Variants in UNC13C observed in about 807,000 individuals in gnomAD.
UNC13C encodes the protein unc-13 homolog C.
A neutral mutation model predicts 245.4 loss-of-function variants in UNC13C; 174 were observed. That is an observed-to-expected ratio of 0.71 (90% CI 0.63 to 0.80). The LOEUF is 0.80. UNC13C is among the 30% of genes least tolerant of loss of function. The probability of loss-of-function intolerance (pLI) is 0.00; values close to 1 mark genes in which losing one functional copy is unlikely to be tolerated. For synonymous variants in UNC13C, 992 were observed against 895.1 expected, an observed-to-expected ratio of 1.11 and a Z score of -1.93; for missense variants, 2,829 against 2,602.9, an observed-to-expected ratio of 1.09 and a Z score of -1.89.
At chr15:53,969,464 C>T in the UNC13C span, among the ~76,000 whole-genome samples, 9 of 151,984 alleles carry the variant, frequency 5.9e-5, no homozygotes, top group African/African-American at 2.2e-4. Flanking sequence ...AGGAGGATTT[C>T]TTAAGGGCAG....
At chr15:54,626,300 A>G (rs1357836435) in intron 32 of UNC13C, among the ~76,000 whole-genome samples, 1 of 99,392 alleles carries the variant, frequency 1.0e-5, no homozygotes, top group Non-Finnish European at 2.6e-5. Flanking sequence ...GAATTGATTT[A>G]CTCTGGATGG....
At chr15:54,100,900 G>A (rs1303956060) in intron 2 of UNC13C, among the ~76,000 whole-genome samples, 2 of 151,796 alleles carry the variant, frequency 1.3e-5, no homozygotes, top group African/African-American at 4.8e-5. Context: ...ACAAGCAGAA[G>A]GAATGAATTA....
rs761081766 is a variant in UNC13C at position 54,500,789 on chromosome 15, G to A, written c.5158-46G>A. The A allele has an allele frequency of 3.2e-6, 5 of 1,543,382 alleles. No individual in the cohort carries two copies. The South Asian group carries it at 3.7e-5, about 11-fold the overall frequency. On this transcript the variant is annotated intron_variant, in intron 21 of 32. Coordinates refer to ENST00000260323, the MANE Select transcript of UNC13C (RefSeq NM_001080534.3). ...GAAACAGTGAAGATTTTTCCATTCC[G>A]CCTCTAATGTACTGTTTGGGATGGT...
the UNC13C span, among the ~76,000 whole-genome samples, chr15:53,850,311 A>G: frequency 1.3e-5 from 2 of 152,136 alleles, no homozygotes; most frequent in African/African-American, 4.8e-5. Context: ...GTTACTTGGG[A>G]GACTGAGGCA....
At chr15:54,464,458 A>G (rs766128388) in intron 19 of UNC13C, among the ~76,000 whole-genome samples, 3 of 152,122 alleles carry the variant, frequency 2.0e-5, no homozygotes, top group Non-Finnish European at 4.4e-5. Context: ...AATAAACATT[A>G]TAATTATTTA....
intron 16 of UNC13C, among the ~76,000 whole-genome samples, chr15:54,336,151 T>C (rs2038568651): frequency 6.6e-6 from 1 of 152,054 alleles, no homozygotes; most frequent in Admixed American, 6.5e-5. Context: ...GGCATTTTAA[T>C]TTTAATTATT....
chr15:54,620,858 T>C (rs1467026101), intron 30 of UNC13C, among the ~76,000 whole-genome samples: 1 of 151,524 alleles, frequency 6.6e-6, no homozygotes, highest in Non-Finnish European at 1.5e-5. Context: ...GAGTAAAAGA[T>C]AAAGGTATGA....
At chr15:54,280,743 T>TATAAACATATGTATAC (rs1567156888) in intron 10 of UNC13C, among the ~76,000 whole-genome samples, 230 of 107,386 alleles carry the variant, frequency 2.1e-3, no homozygotes, top group Non-Finnish European at 3.6e-3. Context: ...TACATACATA[T>TATAAACATATGTATAC]ATACATATAT....
At chr15:54,578,231 TC>T (rs1243615446) in intron 30 of UNC13C, among the ~76,000 whole-genome samples, 1 of 152,222 alleles carries the variant, frequency 6.6e-6, no homozygotes, top group Non-Finnish European at 1.5e-5. Context: ...GGGGAAATTA[TC>T]ACTTTTAATG....
At chr15:54,594,483 C>A (rs541181187) in intron 30 of UNC13C, among the ~76,000 whole-genome samples, 1 of 151,994 alleles carries the variant, frequency 6.6e-6, no homozygotes, top group Non-Finnish European at 1.5e-5. Flanking sequence ...TCAAGACTCT[C>A]CTTGGGCAGG....
chr15:53,924,064 G>A, the UNC13C span, among the ~76,000 whole-genome samples: 83 of 152,154 alleles, frequency 5.5e-4, no homozygotes, highest in African/African-American at 1.8e-3. Context: ...AAAATTAGCC[G>A]GGTGTAGTGG....
chr15:54,602,019 G>A (rs938111765), intron 30 of UNC13C, among the ~76,000 whole-genome samples: 7 of 152,094 alleles, frequency 4.6e-5, no homozygotes, highest in African/African-American at 1.7e-4. Context: ...CAGCAACCCA[G>A]TCCTCCTGTC....
chr15:54,395,146 CT>C lies in UNC13C; in HGVS notation c.4847+1972del, dbSNP rs149981115. 6.2e-3 allele frequency among the ~76,000 whole-genome samples: 943 copies of C among 151,716 alleles called. 14 individuals are homozygous for C. Among genetic ancestry groups the C allele is most frequent in the African/African-American group, 0.022 (906 of 41,454 alleles). ...GTCAGATTTTAAGGATGCTGTAAAA[CT>C]TTTTTTCACATACTGAAGATCGTTC... On this transcript the variant is annotated intron_variant, in intron 18 of 32. Coordinates refer to ENST00000260323, the MANE Select transcript of UNC13C (RefSeq NM_001080534.3).
chr15:53,944,918 C>T, the UNC13C span, among the ~76,000 whole-genome samples: 1 of 152,154 alleles, frequency 6.6e-6, no homozygotes, highest in Non-Finnish European at 1.5e-5. Flanking sequence ...GCAACTTTAC[C>T]AGCATCTGTT....
At chr15:54,607,245 C>G (rs1238956475) in intron 30 of UNC13C, among the ~76,000 whole-genome samples, 5 of 152,160 alleles carry the variant, frequency 3.3e-5, no homozygotes, top group South Asian at 2.1e-4. Flanking sequence ...GCGAGAGAAT[C>G]TTGGTTTGCC....
intron 17 of UNC13C, among the ~76,000 whole-genome samples, chr15:54,346,463 T>C (rs1003444042): frequency 2.0e-5 from 3 of 152,198 alleles, no homozygotes; most frequent in Admixed American, 6.5e-5. Flanking sequence ...CTCCAGATAA[T>C]ATGATGCCTT....
At chr15:54,310,135 G>T (rs1372604414) in intron 13 of UNC13C, among the ~76,000 whole-genome samples, 19 of 151,638 alleles carry the variant, frequency 1.3e-4, no homozygotes, top group African/African-American at 4.1e-4. Flanking sequence ...TGAAGAAGTG[G>T]TTTGCAGCAC....
intron 1 of UNC13C, among the ~76,000 whole-genome samples, chr15:53,993,849 A>G (rs1220572648): frequency 6.6e-6 from 1 of 152,048 alleles, no homozygotes; most frequent in Non-Finnish European, 1.5e-5. Context: ...ATAATGGTCT[A>G]GGCTATGTAA....
chr15:54,186,137 C>G (rs1361501646), intron 4 of UNC13C, among the ~76,000 whole-genome samples: 1 of 151,944 alleles, frequency 6.6e-6, no homozygotes, highest in East Asian at 1.9e-4. Flanking sequence ...TGAGACTTTG[C>G]TGAAGTTGCT....
Sources: gnomAD v4.1 joint callset for allele counts (sites outside exome capture counted in the v4.1 genomes callset) on GRCh38, gnomAD v4.1.1 for gene constraint, MANE v1.5 for transcripts, NCBI Gene and HGNC (gene_info 2026-07-23, HGNC 2026-07-21) for gene names.